DNER: variants seen among roughly 807,000 people sequenced by gnomAD.
The protein encoded by DNER is delta and Notch-like epidermal growth factor-related receptor.
In DNER, 33 loss-of-function variants were observed where a neutral mutation model predicts 78.2. The observed-to-expected ratio is 0.42, with a 90% confidence interval of 0.32 to 0.56. The LOEUF (loss-of-function observed/expected upper bound fraction) is 0.56, where lower values mean the gene tolerates loss of function less well. DNER is among the 20% of genes least tolerant of loss of function. DNER has a pLI of 0.11. For missense variants in DNER, 918 were observed against 975.3 expected (o/e 0.94, Z 0.78); for synonymous variants, 417 against 384.8 (o/e 1.08, Z -0.98).
At chr2:229,413,321 C>CTTTTTTTTTTTTTTTTTTTTTTTTTTT (rs398061160) in intron 9 of DNER, among the ~76,000 whole-genome samples, 1 of 67,774 alleles carries the variant, frequency 1.5e-5, no homozygotes, top group Non-Finnish European at 2.8e-5. Context: ...TTTTCTTCTT[C>CTTTTTTTTTTTTTTTTTTTTTTTTTTT]TTTTTTTTTT....
At chr2:229,545,177 G>A (rs529346157) in intron 5 of DNER, among the ~76,000 whole-genome samples, 1 of 152,310 alleles carries the variant, frequency 6.6e-6, no homozygotes, top group South Asian at 2.1e-4. Context: ...TGAGTGGTGA[G>A]GGGAATAGAT....
chr2:229,517,505 G>A (rs375656483), intron 5 of DNER, among the ~76,000 whole-genome samples: 2 of 152,202 alleles, frequency 1.3e-5, no homozygotes, highest in African/African-American at 4.8e-5. Context: ...TCCGAGGAAA[G>A]GTATTCCAGG....
intron 6 of DNER, among the ~76,000 whole-genome samples, chr2:229,508,375 C>A (rs367903743): frequency 6.6e-6 from 1 of 152,152 alleles, no homozygotes. Flanking sequence ...GAATGCATAT[C>A]TGTGCCTGTT....
chr2:229,607,020 C>T (rs73998293), intron 1 of DNER, among the ~76,000 whole-genome samples: 1,878 of 152,220 alleles, frequency 0.012, 55 homozygotes, highest in African/African-American at 0.043. Context: ...CACACAGACT[C>T]TTATCAAATC....
At chr2:229,713,330 T>G (rs182827235) in intron 1 of DNER, among the ~76,000 whole-genome samples, 1 of 152,330 alleles carries the variant, frequency 6.6e-6, no homozygotes, top group East Asian at 1.9e-4. Context: ...CAAATTCTCC[T>G]GAAAACCCCA....
intron 7 of DNER, among the ~76,000 whole-genome samples, chr2:229,468,327 G>C (rs985527900): frequency 2.0e-5 from 3 of 152,152 alleles, no homozygotes; most frequent in African/African-American, 7.2e-5. Context: ...TTACAGTTTG[G>C]GGGGTCATGC....
chr2:229,401,825 T>C (rs781497426), intron 10 of DNER, among the ~76,000 whole-genome samples: 4 of 152,100 alleles, frequency 2.6e-5, no homozygotes, highest in Non-Finnish European at 4.4e-5. Flanking sequence ...AATCTCAAAC[T>C]AAAATTTTGA....
intron 7 of DNER, among the ~76,000 whole-genome samples, chr2:229,460,746 G>C (rs1024320916): frequency 6.6e-6 from 1 of 152,080 alleles, no homozygotes; most frequent in Non-Finnish European, 1.5e-5. Flanking sequence ...GCATGTTACA[G>C]GTTTGTTGAT....
chr2:229,590,890 A>G (rs1208258030), intron 2 of DNER, among the ~76,000 whole-genome samples: 4 of 152,150 alleles, frequency 2.6e-5, no homozygotes, highest in Non-Finnish European at 4.4e-5. Flanking sequence ...TCTCTCATGA[A>G]AGACTTAGCA....
chr2:229,430,518 T>A (rs1210249085), intron 8 of DNER, among the ~76,000 whole-genome samples: 2 of 152,136 alleles, frequency 1.3e-5, no homozygotes, highest in Admixed American at 6.5e-5. Context: ...AAAGAGAGAC[T>A]GTGACCTAGC....
At chr2:229,565,700 T>C (rs1697092785) in intron 4 of DNER, among the ~76,000 whole-genome samples, 1 of 152,220 alleles carries the variant, frequency 6.6e-6, no homozygotes, top group Non-Finnish European at 1.5e-5. Context: ...AATATTTTCT[T>C]ATTGCCTGTA....
intron 6 of DNER, among the ~76,000 whole-genome samples, chr2:229,509,992 G>A (rs936871300): frequency 6.6e-6 from 1 of 152,076 alleles, no homozygotes; most frequent in African/African-American, 2.4e-5. Flanking sequence ...TGAGAAAAGG[G>A]ACATTTAATA....
chr2:229,651,683 A>G (rs974835932), intron 1 of DNER, among the ~76,000 whole-genome samples: 5 of 152,198 alleles, frequency 3.3e-5, no homozygotes. Flanking sequence ...CAGAATACAG[A>G]TGGAGGATTC....
chr2:229,598,784 G>T lies in DNER; in HGVS notation c.277-6896C>A, dbSNP rs562334641. 3.3e-5 allele frequency among the ~76,000 whole-genome samples: 5 copies of T among 152,078 alleles called. No individual in the cohort carries two copies. In the South Asian group the frequency reaches 6.2e-4, roughly 19 times the overall value. On this transcript the variant is annotated intron_variant, in intron 1 of 12. Coordinates refer to ENST00000341772, the MANE Select transcript of DNER (RefSeq NM_139072.4). Reference sequence around the variant, plus strand: ...CTGAGCAAGCAGTGCCCTGGCGTTGGCCCTGTTCTTCACAGGTGGGTGGGA... The same window carrying T: ...CTGAGCAAGCAGTGCCCTGGCGTTGTCCCTGTTCTTCACAGGTGGGTGGGA...
chr2:229,550,676 T>C (rs1178692793), intron 4 of DNER, among the ~76,000 whole-genome samples: 1 of 152,066 alleles, frequency 6.6e-6, no homozygotes, highest in Non-Finnish European at 1.5e-5. Flanking sequence ...CTCGGGAGGC[T>C]GAGGCAGGGG....
At chr2:229,528,494 G>A (rs1265920934) in intron 5 of DNER, among the ~76,000 whole-genome samples, 3 of 152,154 alleles carry the variant, frequency 2.0e-5, no homozygotes, top group Non-Finnish European at 2.9e-5. Flanking sequence ...ATCATCCCCA[G>A]GATCTGATAG....
intron 11 of DNER, among the ~76,000 whole-genome samples, chr2:229,369,988 A>G (rs1420572300): frequency 6.6e-6 from 1 of 152,160 alleles, no homozygotes; most frequent in East Asian, 1.9e-4. Flanking sequence ...TGAGATTCAG[A>G]GGTTAGTGGA....
At chr2:229,606,472 T>A (rs935379077) in intron 1 of DNER, among the ~76,000 whole-genome samples, 1 of 145,426 alleles carries the variant, frequency 6.9e-6, no homozygotes, top group Non-Finnish European at 1.5e-5. Context: ...AAAACTGACA[T>A]CTCTACAGTC....
intron 10 of DNER, among the ~76,000 whole-genome samples, chr2:229,405,898 C>T (rs894816493): frequency 6.6e-6 from 1 of 151,990 alleles, no homozygotes; most frequent in African/African-American, 2.4e-5. Context: ...AAAAAAAACC[C>T]GGGATGCTTC....
Sources: gnomAD v4.1 joint callset for allele counts (sites outside exome capture counted in the v4.1 genomes callset) on GRCh38, gnomAD v4.1.1 for gene constraint, MANE v1.5 for transcripts, NCBI Gene and HGNC (gene_info 2026-07-23, HGNC 2026-07-21) for gene names.